N4BP1: variants seen among roughly 807,000 people sequenced by gnomAD.
N4BP1 encodes the protein NEDD4 binding protein 1.
A neutral mutation model predicts 70.9 loss-of-function variants in N4BP1; 21 were observed. The ratio of observed to expected loss-of-function variants is 0.30; its 90% CI spans 0.21 to 0.43. N4BP1 has a LOEUF of 0.43. Among genes scored for constraint, N4BP1 ranks in the 20% least tolerant of loss-of-function variants. N4BP1 has a pLI of 1.00. For synonymous variants in N4BP1, 387 were observed against 394.6 expected, an observed-to-expected ratio of 0.98 and a Z score of 0.23; for missense variants, 936 against 1,069.4, an observed-to-expected ratio of 0.88 and a Z score of 1.74.
chr16:48,609,743 C>A, intron 1 of N4BP1, 32 bp downstream of exon 1: 3 of 1,316,156 alleles, frequency 2.3e-6, no homozygotes, highest in Non-Finnish European at 2.9e-6. Context: ...CGATCGAGGC[C>A]GCGGGCGCGC....
At chr16:48,550,803 A>G (rs1963654607) in intron 4 of N4BP1, among the ~76,000 whole-genome samples, 1 of 152,146 alleles carries the variant, frequency 6.6e-6, no homozygotes, top group Admixed American at 6.5e-5. Flanking sequence ...CTGTAATCCC[A>G]GCTACTTGGG....
In N4BP1 at chr16:48,562,450, A is replaced by G. The variant is rs1408514032; in HGVS notation, c.199-6T>C. The G allele has an allele frequency of 3.8e-6, 6 of 1,571,460 alleles. No individual in the cohort carries two copies. The highest frequency in any genetic ancestry group is 5.2e-6 in the Non-Finnish European group (6 of 1,163,086). ...CAGATTCCTTTAATATATTCCTGTA[A>G]AGAGAAAATAAGAAATTAGGTCAAT... On this transcript the variant is annotated splice_polypyrimidine_tract_variant and splice_region_variant and intron_variant, in intron 1 of 6. Transcript: ENST00000262384.
rs770627131 is a variant in N4BP1, at chr16:48,553,651, G to T, written c.1908C>A (p.Phe636Leu). 6.3e-7 allele frequency: 1 copy of T among 1,588,782 alleles called. No individual in the cohort carries two copies. The change falls in exon 3 of 7, where the codon TTC (phenylalanine) becomes TTA (leucine). Residue 636 changes from phenylalanine (F) to leucine (L), a missense_variant. Phe to Leu is a conservative substitution (Grantham distance 22). Transcript: ENST00000262384. ...CAATTGCAATTCCACGACAAGAAAA[G>T]AACTTTTTCAGACCATGGCTAGAAA... ...NVAITHGLKK[F>L]FSCRGIAIAV... is the part of the protein sequence containing the mutation.
chr16:48,568,278 CACCAGCAT>C, intron 1 of N4BP1, among the ~76,000 whole-genome samples: 1 of 152,330 alleles, frequency 6.6e-6, no homozygotes, highest in East Asian at 1.9e-4. Context: ...AATTTTAGGA[CACCAGCAT>C]ACTAGTTTCT....
chr16:48,583,816 T>C (rs2151096586), intron 1 of N4BP1, among the ~76,000 whole-genome samples: 1 of 152,320 alleles, frequency 6.6e-6, no homozygotes, highest in East Asian at 1.9e-4. Context: ...AGTAGAGTAG[T>C]ACCCACTCAG....
rs1963517916 is a variant in N4BP1, at chr16:48,542,544, AT to A, written c.*359del. On this transcript the variant is annotated 3_prime_UTR_variant, in exon 7 of 7. Transcript: ENST00000262384. ...GAAAGCAACACTTTTTTTTTTATTT[AT>A]TTATAAAGGCTAACCATATCCATTT... The A allele has an allele frequency of 6.1e-6, 1 of 163,544 alleles. No homozygotes were observed. The highest frequency in any genetic ancestry group is 1.3e-5 in the Non-Finnish European group (1 of 75,732). 10.1% of individuals were successfully genotyped at this position (163,544 alleles called of 1,614,324 possible). A position where few individuals can be genotyped will look rare whatever the true frequency, so the allele number is the denominator to read the frequency against.
chr16:48,569,542 C>G (rs563428299), intron 1 of N4BP1, among the ~76,000 whole-genome samples: 1 of 152,302 alleles, frequency 6.6e-6, no homozygotes, highest in Non-Finnish European at 1.5e-5. Flanking sequence ...CAGGCACATG[C>G]CACCACGCCT....
intron 2 of N4BP1, among the ~76,000 whole-genome samples, chr16:48,555,202 A>G (rs995564251): frequency 2.6e-5 from 4 of 152,144 alleles, no homozygotes; most frequent in Non-Finnish European, 4.4e-5. Flanking sequence ...CTGAGTTCCA[A>G]TCCTGTATGG....
At chr16:48,597,819 T>C (rs1368341173) in intron 1 of N4BP1, among the ~76,000 whole-genome samples, 1 of 152,248 alleles carries the variant, frequency 6.6e-6, no homozygotes, top group East Asian at 1.9e-4. Context: ...TGTCTGTGCA[T>C]ATTGACTTGC....
intron 1 of N4BP1, among the ~76,000 whole-genome samples, chr16:48,596,601 A>C (rs1964417768): frequency 6.6e-6 from 1 of 152,220 alleles, no homozygotes; most frequent in Admixed American, 6.5e-5. Context: ...AAATTATGAC[A>C]GTGAAAGAGA....
intron 1 of N4BP1, among the ~76,000 whole-genome samples, chr16:48,597,990 A>G (rs541703474): frequency 4.8e-4 from 73 of 152,340 alleles, no homozygotes; most frequent in Non-Finnish European, 9.1e-4. Flanking sequence ...TTCCTGAGCA[A>G]ACAGCCAGGC....
At position 48,543,256 on chromosome 16, in the gene N4BP1, A is replaced by C; in HGVS notation, c.2339T>G (p.Met780Arg). 2 of 1,515,368 alleles carry C rather than the reference A, an allele frequency of 1.3e-6. No homozygotes were observed. Among genetic ancestry groups the C allele is most frequent in the Non-Finnish European group, 1.8e-6 (2 of 1,132,230 alleles). 93.9% of individuals were successfully genotyped at this position (1,515,368 alleles called of 1,614,324 possible). The change falls in exon 7 of 7, where the codon ATG becomes AGG. Residue 780 changes from methionine to arginine, a missense_variant. Coordinates refer to ENST00000262384, the MANE Select transcript of N4BP1 (RefSeq NM_153029.4). ...TGGCAGGGCACTGAGTAGGGGCTGC[A>C]TATCTCTGTGAATGGAAGTGAGTCC... Reference protein sequence around the residue: ...FLQKEVCLRDMQPLLSALPNV... With the variant: ...FLQKEVCLRDRQPLLSALPNV...
intron 1 of N4BP1, among the ~76,000 whole-genome samples, chr16:48,571,314 G>A (rs916214001): frequency 2.0e-5 from 3 of 152,150 alleles, no homozygotes; most frequent in Non-Finnish European, 4.4e-5. Flanking sequence ...CCAGATGAAA[G>A]ACCCTCAAAA....
intron 6 of N4BP1, among the ~76,000 whole-genome samples, chr16:48,545,765 C>T (rs549580136): frequency 1.4e-4 from 22 of 152,120 alleles, no homozygotes; most frequent in Admixed American, 7.9e-4. Flanking sequence ...GTGGCTCATG[C>T]CTATAATCCC....
intron 1 of N4BP1, among the ~76,000 whole-genome samples, chr16:48,588,584 T>G (rs1964282879): frequency 6.6e-6 from 1 of 152,198 alleles, no homozygotes; most frequent in South Asian, 2.1e-4. Flanking sequence ...TGTGAGTCAC[T>G]GTGCCCAGCC....
At chr16:48,558,994 G>A (rs1230178662) in intron 2 of N4BP1, among the ~76,000 whole-genome samples, 2 of 152,080 alleles carry the variant, frequency 1.3e-5, no homozygotes, top group Non-Finnish European at 2.9e-5. Flanking sequence ...ATAATAAAAA[G>A]CAGAAGAATC....
At position 48,561,343 on chromosome 16, in the gene N4BP1, T is replaced by C. The variant is rs748454863; in HGVS notation, c.1300A>G (p.Thr434Ala). Reference protein sequence around the residue: ...DSTPKKTQAHTQQNMVEKFSQ... With the variant: ...DSTPKKTQAHAQQNMVEKFSQ... ...AATTTTTCTACCATATTTTGCTGTGTGTGAGCCTGTGTTTTCTTTGGAGTG... is the reference window on the plus strand; with the variant it reads ...AATTTTTCTACCATATTTTGCTGTGCGTGAGCCTGTGTTTTCTTTGGAGTG... Residue 434 changes from threonine to alanine, a missense_variant, in exon 2 of 7, where the codon ACA (threonine) becomes GCA (alanine). Coordinates refer to ENST00000262384, the MANE Select transcript of N4BP1 (RefSeq NM_153029.4). The C allele has an allele frequency of 3.7e-6, 6 of 1,613,960 alleles. No homozygotes were observed. In the East Asian group the frequency reaches 8.9e-5, roughly 24 times the overall value.
chr16:48,573,108 C>CA lies in N4BP1; in HGVS notation c.199-10665dup, dbSNP rs67326386. ...TGGGCAACAGAGCAAGACCTTGTCT[C>CA]AAAAAAAAAAAAAAAGAAAAAAGAA... is the stretch of plus-strand genomic sequence containing the variant. On this transcript the variant is annotated intron_variant, in intron 1 of 6. Transcript: ENST00000262384. 5.0e-3 allele frequency among the ~76,000 whole-genome samples: 551 copies of CA among 111,108 alleles called. 3 individuals are homozygous for CA. Among genetic ancestry groups the CA allele is most frequent in the Middle Eastern group, 0.014 (3 of 216 alleles). 72.9% of individuals were successfully genotyped at this position (111,108 alleles called of 152,430 possible).
Position 48,543,063 on chromosome 16 carries a change from G to A in N4BP1, c.2532C>T (p.Pro844=), listed in dbSNP as rs758763790. ...PALPSLQQNL[P]MPAQRSSAET... is the part of the protein sequence containing the mutation. ...CTGCAGAAGATCTCTGAGCTGGCAT[G>A]GGCAGGTTCTGCTGGAGACTGGGGA... Residue 844 remains proline (P), a synonymous_variant, in exon 7 of 7, where the codon CCC becomes CCT. Coordinates refer to ENST00000262384, the MANE Select transcript of N4BP1 (RefSeq NM_153029.4). 1.2e-6 allele frequency: 2 copies of A among 1,613,950 alleles called. No homozygotes were observed. Among genetic ancestry groups the A allele is most frequent in the Non-Finnish European group, 1.7e-6 (2 of 1,179,900 alleles).
Sources: allele counts gnomAD v4.1 joint callset (sites outside exome capture counted in the v4.1 genomes callset), GRCh38; gene constraint gnomAD v4.1.1; transcripts MANE v1.5; gene names NCBI Gene and HGNC (gene_info 2026-07-23, HGNC 2026-07-21).